Variants in DNM3 observed in about 807,000 individuals in gnomAD.
DNM3 encodes the protein dynamin-3.
Under a neutral mutation model 101.6 loss-of-function variants are expected in DNM3, and 47 were observed. The observed-to-expected ratio is 0.46, with a 90% confidence interval of 0.37 to 0.59. The LOEUF (loss-of-function observed/expected upper bound fraction) is 0.59. Ranked by LOEUF, DNM3 falls within the 20% of genes least tolerant of loss-of-function variation. The pLI is 0.00. For synonymous variants in DNM3, 385 were observed against 387.9 expected (o/e 0.99, Z 0.09); for missense variants, 849 against 1,085.7 (o/e 0.78, Z 3.06).
intron 2 of DNM3, among the ~76,000 whole-genome samples, chr1:171,946,250 T>A (rs772116591): frequency 1.2e-4 from 18 of 152,118 alleles, no homozygotes; most frequent in Non-Finnish European, 2.4e-4. Flanking sequence ...AAAAGACAGA[T>A]TAGCAAGAAA....
At chr1:172,088,084 T>A (rs1014343174) in intron 12 of DNM3, among the ~76,000 whole-genome samples, 30 of 152,254 alleles carry the variant, frequency 2.0e-4, no homozygotes, top group Non-Finnish European at 3.8e-4. Flanking sequence ...ATTCCATACG[T>A]ATTTCTTAAG....
intron 17 of DNM3, among the ~76,000 whole-genome samples, chr1:172,342,977 C>G (rs960612341): frequency 2.0e-5 from 3 of 152,104 alleles, no homozygotes; most frequent in Admixed American, 6.5e-5. Context: ...ATGTTAAACT[C>G]CATAGCAATA....
chr1:171,867,756 G>C (rs2034899518), intron 1 of DNM3, among the ~76,000 whole-genome samples: 1 of 152,058 alleles, frequency 6.6e-6, no homozygotes, highest in Non-Finnish European at 1.5e-5. Context: ...CCTAGTATTT[G>C]GTATTTGTGG....
chr1:172,379,101 CG>C lies in DNM3; in HGVS notation c.1978del (p.Val660Ter). On this transcript the variant is annotated frameshift_variant, in exon 18 of 21. Coordinates refer to ENST00000627582, the MANE Select transcript of DNM3 (RefSeq NM_015569.5). LOFTEE classifies it high-confidence loss of function. ...ERQVETIRNLVDSYMSIINKC... is the reference protein window; with the variant it reads ...ERQVETIRNLXDSYMSIINKC... ...GGCAAGTGGAGACCATTCGCAACCT[CG>C]TAGACTCCTACATGTCCATTATCAA... is the stretch of plus-strand genomic sequence containing the variant. 6.2e-7 allele frequency: 1 copy of C among 1,612,224 alleles called. No homozygotes were observed.
chr1:171,909,083 A>T (rs2039071692), intron 1 of DNM3, among the ~76,000 whole-genome samples: 1 of 152,178 alleles, frequency 6.6e-6, no homozygotes, highest in Admixed American at 6.5e-5. Flanking sequence ...CTCTGAACTT[A>T]AACTGGATAC....
rs539829857 is a variant in DNM3 at position 171,858,190 on chromosome 1, G to A, written c.161+16373G>A. ...ATTGTTGATCTGACTTAGATGGGTTGGTACTGAGAGTGAGGATCATGTGTT... is the reference window on the plus strand; with the variant it reads ...ATTGTTGATCTGACTTAGATGGGTTAGTACTGAGAGTGAGGATCATGTGTT... On this transcript the variant is annotated intron_variant, in intron 1 of 20. Transcript: ENST00000627582. Among the ~76,000 whole-genome samples, 3 of 152,248 alleles carry A rather than the reference G, an allele frequency of 2.0e-5. No homozygotes were observed. The South Asian group carries it at 6.2e-4, about 32-fold the overall frequency.
chr1:171,935,546 T>C (rs1010379379), intron 2 of DNM3, among the ~76,000 whole-genome samples: 1 of 152,120 alleles, frequency 6.6e-6, no homozygotes, highest in African/African-American at 2.4e-5. Context: ...TGCAGTGTCA[T>C]GAGCAAGGGA....
At chr1:172,027,180 T>C (rs2048264812) in intron 4 of DNM3, among the ~76,000 whole-genome samples, 1 of 152,130 alleles carries the variant, frequency 6.6e-6, no homozygotes, top group African/African-American at 2.4e-5. Flanking sequence ...ATGAAGAAAC[T>C]GCATCAAATT....
intron 16 of DNM3, among the ~76,000 whole-genome samples, chr1:172,314,455 C>T (rs1453827289): frequency 3.3e-5 from 5 of 152,144 alleles, no homozygotes; most frequent in African/African-American, 1.2e-4. Flanking sequence ...TCAGGAAGTG[C>T]AAGGGGTCAA....
chr1:171,959,653 T>C (rs1035105114), intron 2 of DNM3, among the ~76,000 whole-genome samples: 1 of 152,058 alleles, frequency 6.6e-6, no homozygotes, highest in Non-Finnish European at 1.5e-5. Context: ...AGCACCAGCA[T>C]TGAAGTGTCA....
At chr1:171,991,305 C>T (rs142576393) in intron 4 of DNM3, among the ~76,000 whole-genome samples, 4 of 152,194 alleles carry the variant, frequency 2.6e-5, no homozygotes, top group Non-Finnish European at 5.9e-5. Flanking sequence ...CAAGATGACC[C>T]CCACTTCTGA....
intron 14 of DNM3, among the ~76,000 whole-genome samples, chr1:172,200,081 T>C (rs1326371025): frequency 6.6e-6 from 1 of 152,164 alleles, no homozygotes; most frequent in East Asian, 1.9e-4. Flanking sequence ...CCTGTCAAGA[T>C]CTCTTTTAAG....
chr1:172,168,411 G>A (rs2058831346), intron 14 of DNM3, among the ~76,000 whole-genome samples: 1 of 151,916 alleles, frequency 6.6e-6, no homozygotes, highest in Non-Finnish European at 1.5e-5. Context: ...GTCATAGCAG[G>A]GTGAATGCTT....
chr1:172,133,444 G>T (rs567842762), intron 14 of DNM3: 10 of 985,286 alleles, frequency 1.0e-5, no homozygotes, highest in Admixed American at 6.2e-5. Context: ...CCAAGGTATG[G>T]TATGGAGGGT....
chr1:171,876,084 C>T (rs931999064), intron 1 of DNM3, among the ~76,000 whole-genome samples: 2 of 152,092 alleles, frequency 1.3e-5, no homozygotes, highest in South Asian at 4.1e-4. Context: ...CCTGGGATTA[C>T]AGGCGTGAGC....
intron 2 of DNM3, among the ~76,000 whole-genome samples, chr1:171,948,200 G>C (rs1285728675): frequency 6.6e-6 from 1 of 152,142 alleles, no homozygotes; most frequent in East Asian, 1.9e-4. Flanking sequence ...TTTTAGAGAA[G>C]CAAAATAACA....
chr1:172,102,888 A>G (rs1251672901), intron 13 of DNM3, among the ~76,000 whole-genome samples: 1 of 152,132 alleles, frequency 6.6e-6, no homozygotes, highest in Non-Finnish European at 1.5e-5. Context: ...TTTTGATAAC[A>G]TTTAAAAATG....
chr1:172,413,539 T>C (rs2071323759), downstream of DNM3, among the ~76,000 whole-genome samples: 1 of 152,188 alleles, frequency 6.6e-6, no homozygotes, highest in South Asian at 2.1e-4. Context: ...GTTTCCCCAG[T>C]TTTAAGAGAA....
intron 4 of DNM3, among the ~76,000 whole-genome samples, chr1:172,027,060 C>T (rs756347808): frequency 3.9e-5 from 6 of 152,048 alleles, no homozygotes; most frequent in Non-Finnish European, 5.9e-5. Context: ...TTTGTCATCA[C>T]CAGGACTGCC....
Sources: gnomAD v4.1 joint callset for allele counts (sites outside exome capture counted in the v4.1 genomes callset) on GRCh38, gnomAD v4.1.1 for gene constraint, MANE v1.5 for transcripts, NCBI Gene and HGNC (gene_info 2026-07-23, HGNC 2026-07-21) for gene names.